LHFPL2: variants seen among roughly 807,000 people sequenced by gnomAD.
LHFPL2 encodes LHFPL tetraspan subfamily member 2.
Under a neutral mutation model 17.5 loss-of-function variants are expected in LHFPL2, and 7 were observed. That is an observed-to-expected ratio of 0.40 (90% CI 0.23 to 0.75). The LOEUF (loss-of-function observed/expected upper bound fraction) is 0.75. Ranked by LOEUF, LHFPL2 falls within the 30% of genes least tolerant of loss-of-function variation. The pLI, the probability that LHFPL2 is intolerant of heterozygous loss-of-function variation, is 0.37. For synonymous variants in LHFPL2, 134 were observed against 116.2 expected (o/e 1.15, Z -0.99); for missense variants, 241 against 294.8 (o/e 0.82, Z 1.34).
chr5:78,593,495 A>T (rs1166544488), intron 2 of LHFPL2, among the ~76,000 whole-genome samples: 1 of 152,154 alleles, frequency 6.6e-6, no homozygotes, highest in African/African-American at 2.4e-5. Context: ...AAGCTCTTTT[A>T]AAAAATGCTC....
intron 1 of LHFPL2, among the ~76,000 whole-genome samples, chr5:78,642,838 T>A (rs560454960): frequency 6.6e-6 from 1 of 152,036 alleles, no homozygotes; most frequent in Non-Finnish European, 1.5e-5. Flanking sequence ...CCATGACCCA[T>A]AACAGTCAAA....
chr5:78,621,447 C>A (rs962223211), intron 2 of LHFPL2, among the ~76,000 whole-genome samples: 6 of 151,278 alleles, frequency 4.0e-5, no homozygotes, highest in Admixed American at 3.9e-4. Flanking sequence ...TTCTTCCTTG[C>A]AGTAATACTC....
chr5:78,621,339 T>C (rs769150186), intron 2 of LHFPL2, among the ~76,000 whole-genome samples: 3 of 151,894 alleles, frequency 2.0e-5, no homozygotes, highest in Non-Finnish European at 4.4e-5. Flanking sequence ...GCAGCAGCAA[T>C]GACACAGACA....
chr5:78,507,354 AAAAAG>A (rs1423353823), intron 4 of LHFPL2, among the ~76,000 whole-genome samples: 1 of 151,936 alleles, frequency 6.6e-6, no homozygotes, highest in Non-Finnish European at 1.5e-5. Context: ...AAAGAAAAAG[AAAAAG>A]AAAACTCACT....
chr5:78,647,376 G>T (rs1036011526), intron 1 of LHFPL2, among the ~76,000 whole-genome samples: 6 of 152,074 alleles, frequency 3.9e-5, no homozygotes, highest in African/African-American at 9.7e-5. Context: ...CTGGCCAAGG[G>T]GTAAGGCAAA....
At chr5:78,494,456 C>T in intron 4 of LHFPL2, 1 of 985,234 alleles carries the variant, frequency 1.0e-6, no homozygotes, top group Non-Finnish European at 1.2e-6. Flanking sequence ...CGTGTTCTAA[C>T]AGCCTCATTG....
At chr5:78,549,311 A>G (rs1425770629) in intron 3 of LHFPL2, among the ~76,000 whole-genome samples, 2 of 152,246 alleles carry the variant, frequency 1.3e-5, no homozygotes, top group East Asian at 3.8e-4. Flanking sequence ...CTGAGACTCT[A>G]GAACTTACAC....
intron 3 of LHFPL2, among the ~76,000 whole-genome samples, chr5:78,521,875 G>T (rs1755468187): frequency 6.6e-6 from 1 of 152,228 alleles, no homozygotes; most frequent in Non-Finnish European, 1.5e-5. Context: ...GGGCAGGAAT[G>T]AAAATGCAGA....
At chr5:78,643,825 C>G (rs1157628168) in intron 1 of LHFPL2, among the ~76,000 whole-genome samples, 2 of 152,194 alleles carry the variant, frequency 1.3e-5, no homozygotes, top group Non-Finnish European at 2.9e-5. Flanking sequence ...CTTTGGGAGG[C>G]CAAGGCAGGC....
intron 2 of LHFPL2, among the ~76,000 whole-genome samples, chr5:78,577,981 T>C (rs988060125): frequency 1.3e-5 from 2 of 152,186 alleles, no homozygotes; most frequent in African/African-American, 4.8e-5. Context: ...CCAAATGTTA[T>C]CCTAATGAAA....
Position 78,617,596 on chromosome 5 carries a change from C to T in LHFPL2, c.-245+14668G>A, listed in dbSNP as rs369138630. On this transcript the variant is annotated intron_variant, in intron 2 of 4. Transcript: ENST00000380345. ...CTAAAAGGTGCTTCCAACCCCAGGG[C>T]TGGATTTAGGACAAGCCGATCTCAT... 6.6e-5 allele frequency among the ~76,000 whole-genome samples: 10 copies of T among 151,952 alleles called. No homozygotes were observed. In the East Asian group the frequency reaches 7.7e-4, roughly 12 times the overall value.
rs376646760 is a variant in LHFPL2, at chr5:78,617,771, C to A, written c.-245+14493G>T. 2.4e-4 allele frequency among the ~76,000 whole-genome samples: 37 copies of A among 152,190 alleles called. No individual in the cohort carries two copies. In the East Asian group the frequency reaches 6.7e-3, roughly 28 times the overall value. On this transcript the variant is annotated intron_variant, in intron 2 of 4. Coordinates refer to ENST00000380345, the MANE Select transcript of LHFPL2 (RefSeq NM_005779.3). ...ACTCTCCAGATTAAACAGAACAACT[C>A]CACTTTTTAAAAAATAGTTGTCATA...
In LHFPL2 at chr5:78,628,975, G is replaced by C. The variant is rs753685811; in HGVS notation, c.-245+3289C>G. The stretch of plus-strand genomic sequence containing the variant: ...TTGAAGAAGAAACCTGAGAAAACAG[G>C]ATTTCAGAAGCCTGAGACATTGCTC... On this transcript the variant is annotated intron_variant, in intron 2 of 4. Coordinates refer to ENST00000380345, the MANE Select transcript of LHFPL2 (RefSeq NM_005779.3). 2.6e-5 allele frequency among the ~76,000 whole-genome samples: 4 copies of C among 152,274 alleles called. No individual in the cohort carries two copies. In the South Asian group the frequency reaches 8.3e-4, roughly 32 times the overall value.
At chr5:78,565,808 C>T (rs1286621332) in intron 2 of LHFPL2, among the ~76,000 whole-genome samples, 1 of 152,210 alleles carries the variant, frequency 6.6e-6, no homozygotes, top group Non-Finnish European at 1.5e-5. Flanking sequence ...TTAAAAGAAT[C>T]TCTTCCACTC....
chr5:78,489,855 A>ATCTAAAATGTTTAC (rs893932353), intron 4 of LHFPL2, among the ~76,000 whole-genome samples: 1 of 152,128 alleles, frequency 6.6e-6, no homozygotes, highest in Non-Finnish European at 1.5e-5. Context: ...GGTCTGCAAA[A>ATCTAAAATGTTTAC]TCTAAAATGT....
intron 3 of LHFPL2, among the ~76,000 whole-genome samples, chr5:78,525,317 T>G (rs1755589348): frequency 6.6e-6 from 1 of 152,224 alleles, no homozygotes; most frequent in Non-Finnish European, 1.5e-5. Context: ...TGAGGATATC[T>G]TATAGGGTAG....
At chr5:78,527,685 G>T (rs1252925405) in intron 3 of LHFPL2, among the ~76,000 whole-genome samples, 1 of 145,954 alleles carries the variant, frequency 6.9e-6, no homozygotes, top group Admixed American at 6.8e-5. Context: ...ACTTCACAAA[G>T]AAAAAAAAAA....
chr5:78,531,559 T>C (rs966931764), intron 3 of LHFPL2, among the ~76,000 whole-genome samples: 1 of 152,208 alleles, frequency 6.6e-6, no homozygotes, highest in South Asian at 2.1e-4. Context: ...ACCTTGACGA[T>C]TGAGTTTCTT....
chr5:78,628,268 T>C lies in LHFPL2; in HGVS notation c.-245+3996A>G, dbSNP rs116837430. 9.0e-3 allele frequency among the ~76,000 whole-genome samples: 1,369 copies of C among 152,342 alleles called. 24 individuals carry two copies. Among genetic ancestry groups the C allele is most frequent in the African/African-American group, 0.031 (1,294 of 41,572 alleles). On this transcript the variant is annotated intron_variant, in intron 2 of 4. Transcript: ENST00000380345. ...GTAACAACCACAAAATTAGATAAAA[T>C]GACCCCCTGCTCCTCTAATTTAAGG...
Sources: gnomAD v4.1 joint callset for allele counts (sites outside exome capture counted in the v4.1 genomes callset) on GRCh38, gnomAD v4.1.1 for gene constraint, MANE v1.5 for transcripts, NCBI Gene and HGNC (gene_info 2026-07-23, HGNC 2026-07-21) for gene names.